The following LRP1B variants were observed in gnomAD, a reference collection of about 807,000 sequenced individuals.
LRP1B encodes the protein low-density lipoprotein receptor-related protein 1B.
In LRP1B, 217 loss-of-function variants were observed where a neutral mutation model predicts 556.6. The ratio of observed to expected loss-of-function variants is 0.39; its 90% CI spans 0.35 to 0.44. The LOEUF (loss-of-function observed/expected upper bound fraction) is 0.44. LRP1B is among the 20% of genes least tolerant of loss of function. LRP1B has a pLI of 1.00. For synonymous variants in LRP1B, 2,047 were observed against 1,865.8 expected, an observed-to-expected ratio of 1.10 and a Z score of -2.50; for missense variants, 5,053 against 5,620.8, an observed-to-expected ratio of 0.90 and a Z score of 3.23.
At chr2:141,183,321 G>T (rs1199060022) in intron 7 of LRP1B, among the ~76,000 whole-genome samples, 2 of 151,980 alleles carry the variant, frequency 1.3e-5, no homozygotes, top group Admixed American at 1.3e-4. Context: ...CGCTTCATTT[G>T]CTATCTTCCC....
intron 62 of LRP1B, among the ~76,000 whole-genome samples, chr2:140,454,545 T>C (rs918581657): frequency 1.3e-5 from 2 of 152,192 alleles, no homozygotes; most frequent in Non-Finnish European, 2.9e-5. Context: ...TGTACACATT[T>C]GGATTTGTTT....
intron 25 of LRP1B, among the ~76,000 whole-genome samples, chr2:140,883,440 G>A (rs949566789): frequency 2.6e-5 from 4 of 151,984 alleles, no homozygotes; most frequent in Non-Finnish European, 4.4e-5. Flanking sequence ...TGGCCCTGTA[G>A]TTTCCAACCA....
rs187913249 is a variant in LRP1B at position 141,768,952 on chromosome 2, A to G, written c.205+41327T>C. Among the ~76,000 whole-genome samples the G allele has an allele frequency of 4.6e-5, 7 of 152,056 alleles. No individual in the cohort carries two copies. The East Asian group carries it at 1.4e-3, about 29-fold the overall frequency. On this transcript the variant is annotated intron_variant, in intron 2 of 90. Coordinates refer to ENST00000389484, the MANE Select transcript of LRP1B (RefSeq NM_018557.3). ...TATCTATTTATCTTTCTATTTATCT[A>G]TCTATGTCATTTAATTCTCTCCCAA... is the stretch of plus-strand genomic sequence containing the variant.
rs78888128 is a variant in LRP1B at position 140,676,604 on chromosome 2, C to T, written c.6799+23646G>A. Among the ~76,000 whole-genome samples, 807 of 152,204 alleles carry T rather than the reference C, an allele frequency of 5.3e-3. 7 individuals are homozygous for T. Among genetic ancestry groups the T allele is most frequent in the African/African-American group, 0.018 (759 of 41,544 alleles). On this transcript the variant is annotated intron_variant, in intron 41 of 90. Transcript: ENST00000389484. ...GTTTGACTTTTTAAATTTAAATAGA[C>T]ACTGTCATTTCAGATTAAGAACAGG...
chr2:141,016,919 C>G, intron 12 of LRP1B, among the ~76,000 whole-genome samples: 1 of 152,048 alleles, frequency 6.6e-6, no homozygotes. Context: ...AGTCTGTCAC[C>G]ATGACGAAAA....
intron 1 of LRP1B, among the ~76,000 whole-genome samples, chr2:141,978,506 G>C (rs1410573396): frequency 6.6e-6 from 1 of 151,940 alleles, no homozygotes; most frequent in Non-Finnish European, 1.5e-5. Flanking sequence ...ATAATAAAGA[G>C]ATATCGATAA....
chr2:142,033,386 C>A (rs1166993075), intron 1 of LRP1B, among the ~76,000 whole-genome samples: 1 of 151,604 alleles, frequency 6.6e-6, no homozygotes, highest in Non-Finnish European at 1.5e-5. Flanking sequence ...TCTTAATTTT[C>A]TCGATGGACA....
chr2:141,596,472 G>C (rs1687525223), intron 2 of LRP1B, among the ~76,000 whole-genome samples: 1 of 151,952 alleles, frequency 6.6e-6, no homozygotes, highest in African/African-American at 2.4e-5. Flanking sequence ...ATGGATGTAG[G>C]TATGCGTTAA....
intron 6 of LRP1B, among the ~76,000 whole-genome samples, chr2:141,202,215 A>T (rs1682057364): frequency 6.6e-6 from 1 of 152,024 alleles, no homozygotes; most frequent in Non-Finnish European, 1.5e-5. Context: ...AGCTCCATCC[A>T]TGTTACTGCA....
intron 41 of LRP1B, among the ~76,000 whole-genome samples, chr2:140,644,401 C>CTTT (rs34828807): frequency 8.3e-5 from 11 of 132,834 alleles, no homozygotes; most frequent in African/African-American, 2.2e-4. Context: ...TTTCTTTTTT[C>CTTT]TTTTTTTTTT....
intron 2 of LRP1B, among the ~76,000 whole-genome samples, chr2:141,784,424 C>T (rs1405454452): frequency 6.6e-6 from 1 of 151,934 alleles, no homozygotes; most frequent in Non-Finnish European, 1.5e-5. Context: ...ACATATAGGT[C>T]TCGGCTCTAC....
In LRP1B at chr2:140,594,604, G is replaced by A. The variant is rs571732485; in HGVS notation, c.7194+4027C>T. On this transcript the variant is annotated intron_variant, in intron 43 of 90. Transcript: ENST00000389484. ...TTTAAAATCAATTAACTTAAATATA[G>A]GTTACTTCTTTCTCATTAAAGATAC... 4.6e-5 allele frequency among the ~76,000 whole-genome samples: 7 copies of A among 152,122 alleles called. No individual in the cohort carries two copies. In the East Asian group the frequency reaches 1.2e-3, roughly 25 times the overall value.
intron 59 of LRP1B, among the ~76,000 whole-genome samples, chr2:140,479,285 GA>G (rs1688119456): frequency 6.6e-6 from 1 of 151,722 alleles, no homozygotes; most frequent in Admixed American, 6.6e-5. Flanking sequence ...CTTCTGAAAT[GA>G]AACCCTTAAA....
At chr2:142,064,388 G>C (rs1219966675) in intron 1 of LRP1B, among the ~76,000 whole-genome samples, 1 of 151,514 alleles carries the variant, frequency 6.6e-6, no homozygotes, top group Non-Finnish European at 1.5e-5. Context: ...ATTCATGTGT[G>C]AAATATTTTT....
At chr2:141,555,496 C>T (rs1685927719) in intron 2 of LRP1B, among the ~76,000 whole-genome samples, 1 of 151,882 alleles carries the variant, frequency 6.6e-6, no homozygotes, top group Non-Finnish European at 1.5e-5. Context: ...ACACAGCAGG[C>T]ATGCAATCAA....
chr2:141,040,919 G>A (rs908789667), intron 11 of LRP1B, among the ~76,000 whole-genome samples: 1 of 152,048 alleles, frequency 6.6e-6, no homozygotes, highest in Non-Finnish European at 1.5e-5. Context: ...GAAAGAGACT[G>A]CTTCTCATTC....
intron 7 of LRP1B, among the ~76,000 whole-genome samples, chr2:141,176,122 A>C (rs1558912479): frequency 6.6e-6 from 1 of 152,122 alleles, no homozygotes; most frequent in Non-Finnish European, 1.5e-5. Context: ...GCTTATAAGC[A>C]GAAGGGACTT....
At chr2:140,645,296 T>C (rs540547002) in intron 41 of LRP1B, among the ~76,000 whole-genome samples, 1 of 152,064 alleles carries the variant, frequency 6.6e-6, no homozygotes, top group African/African-American at 2.4e-5. Context: ...TTATTATATA[T>C]GAATATGTAA....
chr2:141,074,577 C>G (rs970888542), intron 7 of LRP1B, among the ~76,000 whole-genome samples: 2 of 96,834 alleles, frequency 2.1e-5, no homozygotes, highest in South Asian at 6.6e-4. Context: ...CTGTCTCTCT[C>G]TCTCTCTCTC....
Sources: gnomAD v4.1 joint callset for allele counts (sites outside exome capture counted in the v4.1 genomes callset) on GRCh38, gnomAD v4.1.1 for gene constraint, MANE v1.5 for transcripts, NCBI Gene and HGNC (gene_info 2026-07-23, HGNC 2026-07-21) for gene names.